The following AK7 variants were observed in gnomAD, a reference collection of about 807,000 sequenced individuals.
The protein encoded by AK7 is ATP-AMP transphosphorylase 7.
A neutral mutation model predicts 96.6 loss-of-function variants in AK7; 78 were observed. The observed-to-expected ratio is 0.81, with a 90% CI of 0.67 to 0.97. The LOEUF is 0.97. Ranked by LOEUF, AK7 falls within the 50% of genes least tolerant of loss-of-function variation. The pLI, the probability that AK7 is intolerant of heterozygous loss-of-function variation, is 0.00. For missense variants in AK7, 855 were observed against 887.9 expected (o/e 0.96, Z 0.47); for synonymous variants, 302 against 317.2 (o/e 0.95, Z 0.51).
At chr14:96,447,797 T>A (rs1006174349) in intron 8 of AK7, among the ~76,000 whole-genome samples, 2 of 151,822 alleles carry the variant, frequency 1.3e-5, no homozygotes, top group African/African-American at 4.8e-5. Context: ...GCATCAGGAG[T>A]CTAGATCTGG....
chr14:96,395,574 G>A (rs566654339), intron 1 of AK7, among the ~76,000 whole-genome samples: 4 of 152,086 alleles, frequency 2.6e-5, no homozygotes, highest in South Asian at 2.1e-4. Flanking sequence ...TGGGCATGGT[G>A]GCACACGCCT....
rs1325738502 is a variant in AK7 at position 96,399,041 on chromosome 14, A to G, written c.294+778A>G. 3 of 150,502 alleles carry G rather than the reference A, an allele frequency of 2.0e-5. No individual in the cohort carries two copies. Among genetic ancestry groups the G allele is most frequent in the African/African-American group, 7.3e-5 (3 of 40,818 alleles). 9.3% of individuals were successfully genotyped at this position (150,502 alleles called of 1,614,324 possible). A position where few individuals can be genotyped will look rare whatever the true frequency, so the allele number is the denominator to read the frequency against. Reference sequence around the variant, plus strand: ...CTCCAGGAAGCCGTTCATGATTCCTACTTCTCCCTCACTCCCAGTTTGGAT... The same window carrying G: ...CTCCAGGAAGCCGTTCATGATTCCTGCTTCTCCCTCACTCCCAGTTTGGAT... On this transcript the variant is annotated intron_variant, in intron 2 of 17. Coordinates refer to ENST00000267584, the MANE Select transcript of AK7 (RefSeq NM_152327.5). This position sits in a 1 kb window ranked among gnomAD's most constrained non-coding sequence, Gnocchi z 4.1.
At chr14:96,415,745 A>ATTAAATTAATTTAATAC (rs1266610064) in intron 4 of AK7, among the ~76,000 whole-genome samples, 5 of 148,992 alleles carry the variant, frequency 3.4e-5, no homozygotes, top group South Asian at 2.1e-4. Flanking sequence ...ACATTAATTA[A>ATTAAATTAATTTAATAC]ATTAATTAAT....
At chr14:96,423,953 C>T (rs375404055) in intron 5 of AK7, 1 of 1,039,548 alleles carries the variant, frequency 9.6e-7, no homozygotes, top group South Asian at 1.3e-5. Context: ...ATGTGGACCA[C>T]CAGGAAATGA....
At chr14:96,418,282 C>T (rs145522352) in intron 4 of AK7, among the ~76,000 whole-genome samples, 4 of 132,130 alleles carry the variant, frequency 3.0e-5, no homozygotes, top group Non-Finnish European at 6.2e-5. Context: ...TGTGATTGTG[C>T]CACTGCGCCC....
At chr14:96,442,051 C>T (rs990551471) in intron 6 of AK7, among the ~76,000 whole-genome samples, 1 of 152,126 alleles carries the variant, frequency 6.6e-6, no homozygotes, top group African/African-American at 2.4e-5. Flanking sequence ...CTACTGTGAC[C>T]CCTACCCCTA....
chr14:96,432,565 G>A (rs963252396), intron 5 of AK7, among the ~76,000 whole-genome samples: 1 of 152,088 alleles, frequency 6.6e-6, no homozygotes. Flanking sequence ...TTGAGCCCTT[G>A]TAAGGCAGGC....
intron 2 of AK7, among the ~76,000 whole-genome samples, chr14:96,403,290 A>T (rs1232323952): frequency 6.6e-6 from 1 of 151,820 alleles, no homozygotes; most frequent in Non-Finnish European, 1.5e-5. Flanking sequence ...CATATACAAG[A>T]CGAGGAACAG....
At chr14:96,479,566 C>G (rs1188074037) in intron 15 of AK7, among the ~76,000 whole-genome samples, 1 of 152,084 alleles carries the variant, frequency 6.6e-6, no homozygotes, top group Non-Finnish European at 1.5e-5. Context: ...GAGCAAATAG[C>G]TCTTCACTGC....
intron 4 of AK7, among the ~76,000 whole-genome samples, chr14:96,411,197 C>T (rs940558476): frequency 3.9e-5 from 6 of 151,960 alleles, no homozygotes; most frequent in African/African-American, 1.5e-4. Flanking sequence ...AATTAAAAAG[C>T]AAAAACTTTA....
chr14:96,453,174 G>T (rs902703675), intron 10 of AK7, among the ~76,000 whole-genome samples: 2 of 152,062 alleles, frequency 1.3e-5, no homozygotes, highest in African/African-American at 4.8e-5. Context: ...AAGAAATAAT[G>T]ATCTCTTTAA....
At chr14:96,452,636 T>C (rs1262707320) in intron 10 of AK7, among the ~76,000 whole-genome samples, 3 of 151,958 alleles carry the variant, frequency 2.0e-5, no homozygotes, top group Non-Finnish European at 2.9e-5. Context: ...GCATCAACTT[T>C]TTCTTTTTCT....
intron 12 of AK7, among the ~76,000 whole-genome samples, chr14:96,459,151 A>T (rs1894115870): frequency 1.3e-5 from 2 of 152,060 alleles, no homozygotes; most frequent in Non-Finnish European, 2.9e-5. Context: ...CAGCTTGGCC[A>T]ACATGGTGAA....
chr14:96,413,987 C>T (rs182061289), intron 4 of AK7, among the ~76,000 whole-genome samples: 9 of 152,102 alleles, frequency 5.9e-5, no homozygotes, highest in Admixed American at 1.3e-4. Context: ...TTCTTCTTGC[C>T]GATGATTGGC....
intron 1 of AK7, 91 bp from the exon 2 acceptor site, chr14:96,397,984 C>T (rs1228644318): frequency 2.3e-5 from 31 of 1,361,620 alleles, no homozygotes; most frequent in South Asian, 2.1e-4. Flanking sequence ...CCAGCAAGCA[C>T]TCGGGAAAGG....
At chr14:96,439,392 G>A (rs1351128768) in intron 6 of AK7, among the ~76,000 whole-genome samples, 2 of 151,992 alleles carry the variant, frequency 1.3e-5, no homozygotes, top group Non-Finnish European at 2.9e-5. Flanking sequence ...AAATATTTTT[G>A]GCCGACTCAC....
At chr14:96,433,335 A>G (rs1892461283) in intron 5 of AK7, among the ~76,000 whole-genome samples, 2 of 152,172 alleles carry the variant, frequency 1.3e-5, no homozygotes, top group South Asian at 4.1e-4. Context: ...GTCTTTTCAC[A>G]TAGTCCAATA....
intron 8 of AK7, among the ~76,000 whole-genome samples, chr14:96,449,294 A>G (rs1000860829): frequency 2.0e-5 from 3 of 152,140 alleles, no homozygotes; most frequent in African/African-American, 7.2e-5. Context: ...ATCTGTGTAC[A>G]GTTCTGTCTC....
Position 96,437,836 on chromosome 14 carries a change from C to T in AK7, c.611C>T (p.Ala204Val), listed in dbSNP as rs199760145. 1.9e-6 allele frequency: 3 copies of T among 1,604,350 alleles called. No homozygotes were observed. The highest frequency in any genetic ancestry group is 4.5e-5 in the East Asian group (2 of 44,632). The change falls in exon 6 of 18, where the codon GCC (alanine) becomes GTC (valine). Residue 204 changes from alanine to valine, a missense_variant and splice_region_variant. Ala to Val is a moderately conservative substitution (Grantham distance 64). Transcript: ENST00000267584. ...EKMVLKFGKK[A>V]RKFAAYVVAA... is the part of the protein sequence containing the mutation. ...TTTTTTCTGTATTTTATCTAATAGGCCAGAAAATTTGCAGCATACGTAGTT... is the reference window on the plus strand; with the variant it reads ...TTTTTTCTGTATTTTATCTAATAGGTCAGAAAATTTGCAGCATACGTAGTT...
Sources: gnomAD v4.1 joint callset for allele counts (sites outside exome capture counted in the v4.1 genomes callset) on GRCh38, gnomAD v4.1.1 for gene constraint, Gnocchi (gnomAD v3.1) non-coding constraint, MANE v1.5 for transcripts, NCBI Gene and HGNC (gene_info 2026-07-23, HGNC 2026-07-21) for gene names.